LRMDA: variants seen among roughly 807,000 people sequenced by gnomAD.
LRMDA encodes the protein leucine rich melanocyte differentiation associated, also known as leucine-rich melanocyte differentiation-associated protein.
In LRMDA, 18 loss-of-function variants were observed where a neutral mutation model predicts 29.8. The observed-to-expected ratio is 0.60, with a 90% confidence interval of 0.42 to 0.90. LRMDA has a LOEUF of 0.90. LRMDA is among the 40% of genes least tolerant of loss of function. The probability of loss-of-function intolerance (pLI) is 0.00; values close to 1 mark genes in which losing one functional copy is unlikely to be tolerated. For synonymous variants in LRMDA, 125 were observed against 109.4 expected (o/e 1.14, Z -0.89); for missense variants, 273 against 273.9 (o/e 1.00, Z 0.02).
chr10:75,489,998 G>C (rs1844964634), intron 2 of LRMDA, among the ~76,000 whole-genome samples: 1 of 152,166 alleles, frequency 6.6e-6, no homozygotes, highest in Admixed American at 6.5e-5. Flanking sequence ...AGTAGTGGTG[G>C]TGGTAATGGT....
intron 5 of LRMDA, among the ~76,000 whole-genome samples, chr10:76,167,148 AG>A (rs369262966): frequency 6.6e-6 from 1 of 151,898 alleles, no homozygotes; most frequent in African/African-American, 2.4e-5. Context: ...ACTTTTTGAT[AG>A]GGTTGTTTGT....
At chr10:76,466,521 C>A (rs751798974) in intron 6 of LRMDA, among the ~76,000 whole-genome samples, 1 of 152,140 alleles carries the variant, frequency 6.6e-6, no homozygotes, top group African/African-American at 2.4e-5. Flanking sequence ...ACAGGCTGGG[C>A]GTGGTGGCTC....
intron 2 of LRMDA, among the ~76,000 whole-genome samples, chr10:75,667,222 C>CA (rs199623639): frequency 6.3e-5 from 1 of 15,988 alleles, no homozygotes; most frequent in African/African-American, 1.1e-4. Context: ...ATTTTATAAC[C>CA]CCCCCCCCCA....
At chr10:76,268,504 C>T (rs1403582462) in intron 5 of LRMDA, among the ~76,000 whole-genome samples, 1 of 152,196 alleles carries the variant, frequency 6.6e-6, no homozygotes, top group Non-Finnish European at 1.5e-5. Flanking sequence ...TTAGATCAAA[C>T]TCGATCTGAT....
intron 2 of LRMDA, among the ~76,000 whole-genome samples, chr10:75,621,742 C>T (rs1043270546): frequency 2.0e-5 from 3 of 152,126 alleles, no homozygotes; most frequent in Non-Finnish European, 2.9e-5. Flanking sequence ...CACCTTTGAG[C>T]GTGGCTTAGA....
At chr10:75,833,850 T>C (rs1844387654) in intron 2 of LRMDA, among the ~76,000 whole-genome samples, 1 of 152,088 alleles carries the variant, frequency 6.6e-6, no homozygotes, top group Admixed American at 6.5e-5. Context: ...TTAAAAGGGA[T>C]ACAGTGAAAG....
At chr10:75,968,666 A>G (rs1234912327) in intron 2 of LRMDA, among the ~76,000 whole-genome samples, 1 of 152,208 alleles carries the variant, frequency 6.6e-6, no homozygotes, top group East Asian at 1.9e-4. Context: ...AAGGGCTAAA[A>G]TCTGGGGAAA....
chr10:75,651,868 T>C (rs988745299), intron 2 of LRMDA, among the ~76,000 whole-genome samples: 2 of 152,186 alleles, frequency 1.3e-5, no homozygotes, highest in Non-Finnish European at 2.9e-5. Context: ...AGGGTACCAA[T>C]AGACTTGACA....
intron 6 of LRMDA, among the ~76,000 whole-genome samples, chr10:76,369,987 C>T (rs981796078): frequency 2.0e-5 from 3 of 152,024 alleles, no homozygotes; most frequent in Non-Finnish European, 4.4e-5. Flanking sequence ...GCTTGCAGCA[C>T]AGTGGGAAAT....
At chr10:75,923,482 A>G (rs1046016354) in intron 2 of LRMDA, among the ~76,000 whole-genome samples, 2 of 151,954 alleles carry the variant, frequency 1.3e-5, no homozygotes, top group East Asian at 1.9e-4. Flanking sequence ...GGAGAGGAAA[A>G]CCCCTAGAAA....
intron 5 of LRMDA, among the ~76,000 whole-genome samples, chr10:76,309,822 G>T (rs753137284): frequency 1.3e-5 from 2 of 152,128 alleles, no homozygotes; most frequent in Non-Finnish European, 2.9e-5. Context: ...ACAAGCCAGC[G>T]CATTACTGAC....
intron 2 of LRMDA, among the ~76,000 whole-genome samples, chr10:75,484,000 A>G (rs1012788394): frequency 2.0e-5 from 3 of 151,842 alleles, no homozygotes; most frequent in East Asian, 1.9e-4. Context: ...TTGTCACCCA[A>G]GCTGGAGTAC....
At chr10:75,675,614 T>C (rs1589154152) in intron 2 of LRMDA, among the ~76,000 whole-genome samples, 1 of 152,212 alleles carries the variant, frequency 6.6e-6, no homozygotes, top group Admixed American at 6.5e-5. Flanking sequence ...TGTCACTAAC[T>C]ACCTGTACCC....
At chr10:76,350,438 C>T (rs544926057) in intron 6 of LRMDA, among the ~76,000 whole-genome samples, 3 of 150,934 alleles carry the variant, frequency 2.0e-5, no homozygotes, top group Non-Finnish European at 2.9e-5. Flanking sequence ...TTATGGGGAC[C>T]GATTTTTTTT....
intron 2 of LRMDA, among the ~76,000 whole-genome samples, chr10:75,545,063 C>T (rs1042414010): frequency 2.0e-5 from 3 of 152,082 alleles, no homozygotes; most frequent in African/African-American, 7.2e-5. Flanking sequence ...GGGAGGCATT[C>T]TCCCCCACTC....
At chr10:76,365,107 T>TATATATATATACACACACAC (rs141131236) in intron 6 of LRMDA, among the ~76,000 whole-genome samples, 11 of 61,254 alleles carry the variant, frequency 1.8e-4, no homozygotes, top group South Asian at 8.4e-4. Flanking sequence ...TATATATATA[T>TATATATATATACACACACAC]ACACACACAC....
chr10:76,203,620 G>T (rs1380542042), intron 5 of LRMDA, among the ~76,000 whole-genome samples: 1 of 152,160 alleles, frequency 6.6e-6, no homozygotes, highest in Non-Finnish European at 1.5e-5. Flanking sequence ...CTCTATTCTT[G>T]CCCTGATAGG....
chr10:76,065,800 C>T (rs1437641246), intron 5 of LRMDA, among the ~76,000 whole-genome samples: 1 of 152,242 alleles, frequency 6.6e-6, no homozygotes, highest in African/African-American at 2.4e-5. Flanking sequence ...TTGACTTTGG[C>T]CTTGGCCATG....
chr10:75,955,646 C>T (rs1391446790), intron 2 of LRMDA, among the ~76,000 whole-genome samples: 1 of 152,218 alleles, frequency 6.6e-6, no homozygotes, highest in Non-Finnish European at 1.5e-5. Flanking sequence ...AAGAGCTAAA[C>T]TATAGTGCCT....
Sources: allele counts gnomAD v4.1 joint callset (sites outside exome capture counted in the v4.1 genomes callset), GRCh38; gene constraint gnomAD v4.1.1; transcripts MANE v1.5; gene names NCBI Gene and HGNC (gene_info 2026-07-23, HGNC 2026-07-21).